Variants in ERBB4 observed in about 807,000 individuals in gnomAD.
ERBB4 encodes erb-b2 receptor tyrosine kinase 4, also known as receptor tyrosine-protein kinase erbB-4.
A neutral mutation model predicts 158.0 loss-of-function variants in ERBB4; 42 were observed. The observed-to-expected ratio is 0.27, with a 90% CI of 0.21 to 0.34. ERBB4 has a LOEUF of 0.34. Ranked by LOEUF, ERBB4 falls within the 10% of genes least tolerant of loss-of-function variation. The probability of loss-of-function intolerance (pLI) is 1.00; values close to 1 mark genes in which losing one functional copy is unlikely to be tolerated. For missense variants in ERBB4, 1,333 were observed against 1,624.1 expected (o/e 0.82, Z 3.08); for synonymous variants, 583 against 558.7 (o/e 1.04, Z -0.61).
At chr2:212,241,373 A>G (rs1291912187) in intron 1 of ERBB4, among the ~76,000 whole-genome samples, 1 of 152,246 alleles carries the variant, frequency 6.6e-6, no homozygotes, top group Admixed American at 6.5e-5. Flanking sequence ...ACATCTATAT[A>G]TAACATCATC....
intron 2 of ERBB4, among the ~76,000 whole-genome samples, chr2:212,066,773 C>G (rs2077960642): frequency 6.6e-6 from 1 of 151,848 alleles, no homozygotes; most frequent in African/African-American, 2.4e-5. Flanking sequence ...TTCTTGCCAG[C>G]AATTACAATC....
At chr2:211,436,598 C>G (rs1397668194) in intron 20 of ERBB4, among the ~76,000 whole-genome samples, 1 of 152,178 alleles carries the variant, frequency 6.6e-6, no homozygotes, top group East Asian at 1.9e-4. Flanking sequence ...CCATGGATAG[C>G]TATCAACAAT....
chr2:211,967,315 T>A (rs1575448205), intron 2 of ERBB4, among the ~76,000 whole-genome samples: 1 of 152,116 alleles, frequency 6.6e-6, no homozygotes, highest in Non-Finnish European at 1.5e-5. Context: ...AATAGGGAAC[T>A]GCAATTAGTA....
In ERBB4 at chr2:211,681,139, A is replaced by G. The variant is rs1468692891; in HGVS notation, c.1490-1955T>C. Among the ~76,000 whole-genome samples, 3 of 152,200 alleles carry G rather than the reference A, an allele frequency of 2.0e-5. No individual in the cohort carries two copies. The East Asian group carries it at 5.8e-4, about 29-fold the overall frequency. On this transcript the variant is annotated intron_variant, in intron 12 of 27. Transcript: ENST00000342788. ...TTTCTGTTTTTATATAGTTTCTTTCATTTATATAATTATGTTGAGTTTCAT... is the reference window on the plus strand; with the variant it reads ...TTTCTGTTTTTATATAGTTTCTTTCGTTTATATAATTATGTTGAGTTTCAT...
intron 3 of ERBB4, among the ~76,000 whole-genome samples, chr2:211,848,388 T>C (rs552736757): frequency 6.6e-6 from 1 of 152,180 alleles, no homozygotes; most frequent in African/African-American, 2.4e-5. Flanking sequence ...AAATTGCAAT[T>C]GAACCTGGAA....
At chr2:212,328,486 C>A (rs970046063) in intron 1 of ERBB4, among the ~76,000 whole-genome samples, 3 of 151,976 alleles carry the variant, frequency 2.0e-5, no homozygotes, top group Non-Finnish European at 4.4e-5. Flanking sequence ...AACAAGGTCA[C>A]ACTACAGAGT....
At chr2:211,510,624 A>T (rs963872530) in intron 20 of ERBB4, among the ~76,000 whole-genome samples, 1 of 152,076 alleles carries the variant, frequency 6.6e-6, no homozygotes, top group African/African-American at 2.4e-5. Flanking sequence ...TTCAGATGTG[A>T]TTATCTTGAA....
intron 1 of ERBB4, among the ~76,000 whole-genome samples, chr2:212,499,411 T>C (rs1690758909): frequency 6.6e-6 from 1 of 152,112 alleles, no homozygotes; most frequent in Non-Finnish European, 1.5e-5. Context: ...GTTTTATATA[T>C]TTTACTCTTG....
At chr2:212,392,492 A>G (rs931005879) in intron 1 of ERBB4, among the ~76,000 whole-genome samples, 10 of 152,028 alleles carry the variant, frequency 6.6e-5, no homozygotes, top group Admixed American at 1.3e-4. Context: ...ATTAAAATCT[A>G]CCTCTCTGCT....
intron 20 of ERBB4, among the ~76,000 whole-genome samples, chr2:211,502,290 C>A (rs566982996): frequency 6.6e-6 from 1 of 152,178 alleles, no homozygotes; most frequent in East Asian, 1.9e-4. Flanking sequence ...TATCATTTAA[C>A]AATGCAAAGG....
chr2:212,127,554 T>C (rs555381907), intron 1 of ERBB4, among the ~76,000 whole-genome samples: 4 of 152,132 alleles, frequency 2.6e-5, no homozygotes, highest in African/African-American at 7.2e-5. Context: ...ATTGCGCCAC[T>C]GCACTCCAGC....
intron 19 of ERBB4, among the ~76,000 whole-genome samples, chr2:211,596,165 T>G (rs2125803064): frequency 6.6e-6 from 1 of 152,038 alleles, no homozygotes; most frequent in Non-Finnish European, 1.5e-5. Flanking sequence ...CAATGTTATA[T>G]AAGATGTCAT....
rs116334818 is a variant in ERBB4, at chr2:212,322,362, A to G, written c.83-197459T>C. ...GCCTATGACAACAGGAAAGGTGCCC[A>G]ATTTCTGTCACCTGGTAAACACTCA... On this transcript the variant is annotated intron_variant, in intron 1 of 27. Coordinates refer to ENST00000342788, the MANE Select transcript of ERBB4 (RefSeq NM_005235.3). Among the ~76,000 whole-genome samples the G allele has an allele frequency of 5.0e-3, 750 of 150,376 alleles. 11 individuals are homozygous for G. The highest frequency in any genetic ancestry group is 0.016 in the African/African-American group (665 of 41,324).
chr2:212,409,530 G>A (rs1386186863), intron 1 of ERBB4, among the ~76,000 whole-genome samples: 2 of 152,052 alleles, frequency 1.3e-5, no homozygotes, highest in Non-Finnish European at 2.9e-5. Context: ...GAATTTTTTA[G>A]ATTAAGAATT....
intron 20 of ERBB4, among the ~76,000 whole-genome samples, chr2:211,511,197 TAA>T (rs1424880095): frequency 3.5e-5 from 5 of 142,004 alleles, no homozygotes; most frequent in Admixed American, 1.4e-4. Context: ...AAAATTCTCT[TAA>T]GTTTTTAGCA....
In ERBB4 at chr2:212,288,422, C is replaced by T. The variant is rs945678470; in HGVS notation, c.83-163519G>A. ...AACATCACTGTCACTACTACTGAGA[C>T]AGCCAAGTAAAAAGGGCTCCCTGGC... On this transcript the variant is annotated intron_variant, in intron 1 of 27. Transcript: ENST00000342788. 2.6e-5 allele frequency among the ~76,000 whole-genome samples: 4 copies of T among 152,216 alleles called. No individual in the cohort carries two copies. In the South Asian group the frequency reaches 8.3e-4, roughly 32 times the overall value.
At chr2:212,303,207 T>C (rs1309455585) in intron 1 of ERBB4, among the ~76,000 whole-genome samples, 2 of 151,454 alleles carry the variant, frequency 1.3e-5, no homozygotes, top group African/African-American at 4.8e-5. Context: ...TCAGCAAAAG[T>C]GAGCATTTCT....
At chr2:211,590,880 C>A (rs1056736273) in intron 19 of ERBB4, among the ~76,000 whole-genome samples, 7 of 152,168 alleles carry the variant, frequency 4.6e-5, no homozygotes, top group Non-Finnish European at 8.8e-5. Flanking sequence ...TGAAAACTTG[C>A]TATCTTGTTA....
At chr2:211,955,788 C>T (rs2081011354) in intron 2 of ERBB4, among the ~76,000 whole-genome samples, 1 of 152,224 alleles carries the variant, frequency 6.6e-6, no homozygotes, top group African/African-American at 2.4e-5. Flanking sequence ...TAAATTCTGC[C>T]TGTTCACATT....
Sources: gnomAD v4.1 joint callset for allele counts (sites outside exome capture counted in the v4.1 genomes callset) on GRCh38, gnomAD v4.1.1 for gene constraint, MANE v1.5 for transcripts, NCBI Gene and HGNC (gene_info 2026-07-23, HGNC 2026-07-21) for gene names.